SPAG16: variants seen among roughly 807,000 people sequenced by gnomAD.
The protein encoded by SPAG16 is sperm associated antigen 16, also known as sperm-associated antigen 16 protein.
Under a neutral mutation model 80.4 loss-of-function variants are expected in SPAG16, and 86 were observed. The ratio of observed to expected loss-of-function variants is 1.07; its 90% CI spans 0.90 to 1.28. The LOEUF (loss-of-function observed/expected upper bound fraction) is 1.28. Ranked by LOEUF, SPAG16 falls within the 50% of genes most tolerant of loss-of-function variation. SPAG16 has a pLI of 0.00. For missense variants in SPAG16, 870 were observed against 765.3 expected (o/e 1.14, Z -1.61); for synonymous variants, 294 against 265.9 (o/e 1.11, Z -1.03).
intron 15 of SPAG16, among the ~76,000 whole-genome samples, chr2:214,192,337 G>C (rs1416965916): frequency 6.6e-6 from 1 of 152,080 alleles, no homozygotes; most frequent in Non-Finnish European, 1.5e-5. Flanking sequence ...AATAGTGCCT[G>C]TGTGAAATAA....
At chr2:213,555,387 G>A (rs570575745) in intron 10 of SPAG16, among the ~76,000 whole-genome samples, 3 of 152,236 alleles carry the variant, frequency 2.0e-5, no homozygotes, top group Admixed American at 1.3e-4. Flanking sequence ...AGTCTCACAA[G>A]GTGTCATGGT....
At chr2:214,102,981 T>G (rs1372625898) in intron 13 of SPAG16, among the ~76,000 whole-genome samples, 1 of 152,140 alleles carries the variant, frequency 6.6e-6, no homozygotes, top group African/African-American at 2.4e-5. Flanking sequence ...ATTCTTCGCG[T>G]AGGGTGGGCT....
intron 12 of SPAG16, among the ~76,000 whole-genome samples, chr2:213,991,856 AGAG>A (rs1376553601): frequency 4.6e-5 from 4 of 87,164 alleles, no homozygotes; most frequent in Non-Finnish European, 9.4e-5. Flanking sequence ...TTGACAATTG[AGAG>A]TTTATTTATT....
At chr2:213,769,610 C>T (rs149862970) in intron 10 of SPAG16, among the ~76,000 whole-genome samples, 22 of 152,278 alleles carry the variant, frequency 1.4e-4, no homozygotes, top group Non-Finnish European at 3.2e-4. Context: ...TATAAATTCT[C>T]TTGATTCCTG....
chr2:213,382,047 GTT>G (rs749595993), intron 9 of SPAG16, among the ~76,000 whole-genome samples: 1 of 145,654 alleles, frequency 6.9e-6, no homozygotes, highest in African/African-American at 2.5e-5. Flanking sequence ...AATCAGGCTA[GTT>G]TTTTTTTTTT....
At chr2:213,292,682 A>AAAAACAACAAC (rs1553617114) in intron 1 of SPAG16, among the ~76,000 whole-genome samples, 28 of 134,350 alleles carry the variant, frequency 2.1e-4, no homozygotes, top group Non-Finnish European at 3.7e-4. Context: ...AAAACAAAAA[A>AAAAACAACAAC]AACAAAAAAA....
chr2:213,853,942 C>A (rs1393781187), intron 10 of SPAG16, among the ~76,000 whole-genome samples: 6 of 152,126 alleles, frequency 3.9e-5, no homozygotes, highest in Non-Finnish European at 8.8e-5. Flanking sequence ...CTAAAATGAG[C>A]TTTTCCCCCA....
intron 10 of SPAG16, among the ~76,000 whole-genome samples, chr2:213,605,272 T>A (rs2061217233): frequency 1.3e-5 from 2 of 150,756 alleles, no homozygotes; most frequent in Admixed American, 1.3e-4. Flanking sequence ...GAATGCATTT[T>A]TTTTTTTTTT....
At chr2:214,259,544 T>TC (rs1690976355) in intron 15 of SPAG16, among the ~76,000 whole-genome samples, 1 of 101,142 alleles carries the variant, frequency 9.9e-6, no homozygotes. Flanking sequence ...CCCTCACCCC[T>TC]CCCCCACACA....
chr2:213,372,693 T>G (rs751417783), intron 8 of SPAG16, among the ~76,000 whole-genome samples: 7 of 152,136 alleles, frequency 4.6e-5, no homozygotes, highest in Non-Finnish European at 1.0e-4. Context: ...TCCTAATCTC[T>G]TAGACATTTT....
intron 10 of SPAG16, among the ~76,000 whole-genome samples, chr2:213,840,244 A>G (rs961293179): frequency 1.6e-4 from 24 of 152,210 alleles, no homozygotes; most frequent in African/African-American, 5.8e-4. Flanking sequence ...CTATTAACCT[A>G]CTGAAGAAAA....
intron 13 of SPAG16, among the ~76,000 whole-genome samples, chr2:214,048,307 C>T (rs765334074): frequency 3.9e-4 from 60 of 152,116 alleles, no homozygotes; most frequent in Middle Eastern, 3.4e-3. Context: ...CCCATCGACA[C>T]TTAGGTTATC....
At chr2:213,554,184 C>T (rs975502898) in intron 10 of SPAG16, among the ~76,000 whole-genome samples, 5 of 152,172 alleles carry the variant, frequency 3.3e-5, no homozygotes, top group African/African-American at 1.2e-4. Context: ...GTATCACCAT[C>T]AAAGACTCTA....
chr2:213,668,653 G>T (rs2125211385), intron 10 of SPAG16, among the ~76,000 whole-genome samples: 1 of 151,786 alleles, frequency 6.6e-6, no homozygotes, highest in East Asian at 1.9e-4. Flanking sequence ...TGTTTTGTTT[G>T]TTTTGCGATG....
intron 7 of SPAG16, among the ~76,000 whole-genome samples, chr2:213,351,857 T>A (rs2065346334): frequency 6.6e-6 from 1 of 152,144 alleles, no homozygotes; most frequent in Non-Finnish European, 1.5e-5. Flanking sequence ...TAATATTGGA[T>A]ACAATGATAA....
chr2:214,374,914 G>A (rs750687414), intron 15 of SPAG16, among the ~76,000 whole-genome samples: 13 of 152,062 alleles, frequency 8.5e-5, no homozygotes, highest in Non-Finnish European at 1.5e-4. Flanking sequence ...ATGGAGATGT[G>A]GTCTGCATGA....
At chr2:214,383,169 TTAAG>T (rs1488999747) in intron 15 of SPAG16, among the ~76,000 whole-genome samples, 2 of 152,168 alleles carry the variant, frequency 1.3e-5, no homozygotes, top group African/African-American at 4.8e-5. Context: ...TCACAAATAA[TTAAG>T]TGATTACATA....
chr2:213,400,099 A>C lies in SPAG16; in HGVS notation c.942+24980A>C, dbSNP rs562951261. 3.9e-5 allele frequency among the ~76,000 whole-genome samples: 6 copies of C among 152,026 alleles called. 1 individual carries two copies. The highest frequency in any genetic ancestry group is 2.0e-4 in the Admixed American group (3 of 15,284). The stretch of plus-strand genomic sequence containing the variant: ...ATAAATTTTGTTGGTACTTTTAAAG[A>C]TCCAAGCTTTGGATTTTATAATCAT... On this transcript the variant is annotated intron_variant, in intron 9 of 15. Transcript: ENST00000331683.
chr2:214,315,184 G>A (rs1695590450), intron 15 of SPAG16, among the ~76,000 whole-genome samples: 1 of 152,108 alleles, frequency 6.6e-6, no homozygotes, highest in Admixed American at 6.5e-5. Flanking sequence ...CAGGAAGACT[G>A]CAGTGTCATC....
Sources: gnomAD v4.1 joint callset for allele counts (sites outside exome capture counted in the v4.1 genomes callset) on GRCh38, gnomAD v4.1.1 for gene constraint, MANE v1.5 for transcripts, NCBI Gene and HGNC (gene_info 2026-07-23, HGNC 2026-07-21) for gene names.